TXNRD2: variants seen among roughly 807,000 people sequenced by gnomAD.
TXNRD2 encodes the protein thioredoxin reductase 2, also known as thioredoxin reductase 2, mitochondrial.
In TXNRD2, 67 loss-of-function variants were observed where a neutral mutation model predicts 70.8. The observed-to-expected ratio is 0.95, with a 90% CI of 0.78 to 1.16. The LOEUF (loss-of-function observed/expected upper bound fraction) is 1.16, where lower values mean the gene tolerates loss of function less well. Among genes scored for constraint, TXNRD2 ranks in the 50% most tolerant of loss-of-function variants. The probability of loss-of-function intolerance (pLI) is 0.00; values close to 1 mark genes in which losing one functional copy is unlikely to be tolerated. For missense variants in TXNRD2, 644 were observed against 719.9 expected (o/e 0.89, Z 1.21); for synonymous variants, 301 against 295.8 (o/e 1.02, Z -0.18).
chr22:19,890,806 C>T (rs899856206), intron 11 of TXNRD2, among the ~76,000 whole-genome samples: 4 of 152,340 alleles, frequency 2.6e-5, no homozygotes, highest in Admixed American at 6.5e-5. Flanking sequence ...AGCCATCAGC[C>T]GAGCACAGCT....
intron 12 of TXNRD2, chr22:19,881,442 C>T (rs1036419634): frequency 5.2e-6 from 1 of 192,062 alleles, no homozygotes; most frequent in Non-Finnish European, 1.1e-5. Context: ...AAACAATAGC[C>T]CCCGCCCCGC....
At chr22:19,878,504 C>T (rs1938613583) in intron 14 of TXNRD2, 67 bp from the exon 15 acceptor site, 2 of 1,397,628 alleles carry the variant, frequency 1.4e-6, no homozygotes, top group Non-Finnish European at 2.0e-6. Flanking sequence ...CTGCAGCTCC[C>T]ACAGGCTGCA....
At chr22:19,933,686 C>T (rs1436193075) in intron 1 of TXNRD2, among the ~76,000 whole-genome samples, 2 of 152,194 alleles carry the variant, frequency 1.3e-5, no homozygotes, top group Admixed American at 6.5e-5. Flanking sequence ...CTTGGAAGGG[C>T]TTGGGTAGCC....
chr22:19,937,298 T>C (rs528467794), intron 1 of TXNRD2, among the ~76,000 whole-genome samples: 1 of 152,306 alleles, frequency 6.6e-6, no homozygotes, highest in East Asian at 1.9e-4. Context: ...CAAAGGTGTG[T>C]ATGAGAGCTT....
At chr22:19,899,095 A>C (rs1437261251) in intron 8 of TXNRD2, 27 bp from the exon 9 acceptor site, 1 of 1,607,014 alleles carries the variant, frequency 6.2e-7, no homozygotes, top group Non-Finnish European at 8.5e-7. Flanking sequence ...GAGAGAGCAC[A>C]TGTAAAGCTG....
intron 14 of TXNRD2, 118 bp downstream of exon 14, chr22:19,880,061 G>T: frequency 9.2e-7 from 1 of 1,081,154 alleles, no homozygotes; most frequent in Non-Finnish European, 1.4e-6. Flanking sequence ...CACAGCCACT[G>T]CTCAGGGCCC....
intron 11 of TXNRD2, among the ~76,000 whole-genome samples, chr22:19,885,919 G>C (rs1939008847): frequency 6.6e-6 from 1 of 152,240 alleles, no homozygotes; most frequent in Non-Finnish European, 1.5e-5. Flanking sequence ...AGAGATAAAA[G>C]AGGCATGGAA....
At chr22:19,912,963 CGA>C (rs1940480530) in intron 7 of TXNRD2, among the ~76,000 whole-genome samples, 1 of 152,202 alleles carries the variant, frequency 6.6e-6, no homozygotes, top group Non-Finnish European at 1.5e-5. Flanking sequence ...GCCTCCAGGC[CGA>C]GAGAGCCGTG....
intron 8 of TXNRD2, among the ~76,000 whole-genome samples, chr22:19,906,338 T>TA (rs1940011415): frequency 6.6e-6 from 1 of 151,918 alleles, no homozygotes. Flanking sequence ...AGTCAAAGAT[T>TA]AAAAAAACAG....
At chr22:19,927,823 TCTG>T (rs773671268) in intron 2 of TXNRD2, among the ~76,000 whole-genome samples, 3 of 152,092 alleles carry the variant, frequency 2.0e-5, no homozygotes, top group Admixed American at 6.5e-5. Flanking sequence ...GTCCATGGAT[TCTG>T]CTAACAGCGG....
At chr22:19,890,373 T>C (rs144417015) in intron 11 of TXNRD2, among the ~76,000 whole-genome samples, 57 of 152,264 alleles carry the variant, frequency 3.7e-4, no homozygotes, top group Middle Eastern at 3.4e-3. Context: ...AAAAAGGTGT[T>C]AGACTATCAA....
chr22:19,896,656 G>A (rs1236612265), intron 10 of TXNRD2, among the ~76,000 whole-genome samples: 1 of 152,240 alleles, frequency 6.6e-6, no homozygotes, highest in Non-Finnish European at 1.5e-5. Context: ...CTACAGATGG[G>A]GGCCCTGTTC....
chr22:19,886,972 G>A (rs568496790), intron 11 of TXNRD2, among the ~76,000 whole-genome samples: 21 of 152,302 alleles, frequency 1.4e-4, no homozygotes, highest in East Asian at 1.2e-3. Context: ...GCTTCTGGGC[G>A]CAGGGCAGTC....
At chr22:19,907,611 C>T (rs537167229) in intron 8 of TXNRD2, among the ~76,000 whole-genome samples, 1 of 37,270 alleles carries the variant, frequency 2.7e-5, no homozygotes. Flanking sequence ...GTGTGGGCGC[C>T]GTGGATAGCA....
At chr22:19,907,885 C>T (rs1601432031) in intron 8 of TXNRD2, among the ~76,000 whole-genome samples, 1 of 46,138 alleles carries the variant, frequency 2.2e-5, no homozygotes, top group African/African-American at 9.9e-5. Context: ...AGAGTGTGGG[C>T]GCCGTGGGTA....
intron 14 of TXNRD2, among the ~76,000 whole-genome samples, chr22:19,879,427 C>A (rs1408829837): frequency 6.6e-6 from 1 of 152,176 alleles, no homozygotes; most frequent in Non-Finnish European, 1.5e-5. Context: ...CACCCCGGAG[C>A]CACAGCCACC....
intron 7 of TXNRD2, among the ~76,000 whole-genome samples, chr22:19,912,557 A>G (rs548718053): frequency 2.0e-5 from 3 of 152,332 alleles, no homozygotes; most frequent in South Asian, 2.1e-4. Context: ...GAGAAACCCA[A>G]TGACCGCTGG....
intron 2 of TXNRD2, among the ~76,000 whole-genome samples, chr22:19,922,502 A>T (rs1940954573): frequency 6.6e-6 from 1 of 152,208 alleles, no homozygotes; most frequent in African/African-American, 2.4e-5. Context: ...CCTTTCTCAC[A>T]GAACACTGTT....
intron 1 of TXNRD2, chr22:19,941,493 G>A: frequency 1.2e-6 from 1 of 840,482 alleles, no homozygotes; most frequent in East Asian, 3.5e-5. Context: ...AAGGCACCCA[G>A]CCCCAGTTTC....
Sources: gnomAD v4.1 joint callset for allele counts (sites outside exome capture counted in the v4.1 genomes callset) on GRCh38, gnomAD v4.1.1 for gene constraint, MANE v1.5 for transcripts, NCBI Gene and HGNC (gene_info 2026-07-23, HGNC 2026-07-21) for gene names.